Variants in EIF4G3 observed in about 807,000 individuals in gnomAD.
The protein encoded by EIF4G3 is eukaryotic translation initiation factor 4 gamma 3.
Under a neutral mutation model 186.4 loss-of-function variants are expected in EIF4G3, and 34 were observed. That is an observed-to-expected ratio of 0.18 (90% confidence interval 0.14 to 0.24). EIF4G3 has a LOEUF of 0.24. Ranked by LOEUF, EIF4G3 falls within the 10% of genes least tolerant of loss-of-function variation. EIF4G3 has a pLI of 1.00. For synonymous variants in EIF4G3, 673 were observed against 679.5 expected (o/e 0.99, Z 0.15); for missense variants, 1,536 against 1,948.5 (o/e 0.79, Z 3.99).
intron 2 of EIF4G3, among the ~76,000 whole-genome samples, chr1:21,109,951 AT>A (rs1401184407): frequency 6.6e-6 from 1 of 151,964 alleles, no homozygotes. Flanking sequence ...TACCCAGCTA[AT>A]TTTTGTATTT....
chr1:20,913,888 G>C (rs1558209742), intron 14 of EIF4G3, among the ~76,000 whole-genome samples: 1 of 142,336 alleles, frequency 7.0e-6, no homozygotes, highest in South Asian at 2.2e-4. Flanking sequence ...CTCACTGCAA[G>C]CTCCGCCTCC....
intron 13 of EIF4G3, among the ~76,000 whole-genome samples, chr1:20,946,714 G>A (rs755129298): frequency 7.2e-5 from 11 of 152,148 alleles, no homozygotes; most frequent in Non-Finnish European, 1.6e-4. Flanking sequence ...TGAGGAAACT[G>A]AGGGTTTTAG....
At chr1:21,029,633 T>TA (rs1174973723) in intron 4 of EIF4G3, among the ~76,000 whole-genome samples, 1 of 152,056 alleles carries the variant, frequency 6.6e-6, no homozygotes, top group Non-Finnish European at 1.5e-5. Context: ...TTGATTTTTT[T>TA]AAAACAAAGA....
intron 2 of EIF4G3, among the ~76,000 whole-genome samples, chr1:21,119,775 G>A (rs2096894844): frequency 6.6e-6 from 1 of 151,980 alleles, no homozygotes; most frequent in Non-Finnish European, 1.5e-5. Context: ...AGGATACAAG[G>A]ATGTAAGGTA....
intron 13 of EIF4G3, among the ~76,000 whole-genome samples, chr1:20,949,483 A>C (rs145492157): frequency 2.0e-5 from 3 of 152,350 alleles, no homozygotes; most frequent in Non-Finnish European, 4.4e-5. Context: ...TCAGTGAAGA[A>C]ACTGAGACAC....
chr1:21,086,199 C>CT (rs397979515), intron 3 of EIF4G3, among the ~76,000 whole-genome samples: 76,174 of 95,320 alleles, frequency 0.8, 31,527 homozygotes, highest in Non-Finnish European at 0.85. Flanking sequence ...ACATGATACT[C>CT]TTTTTTTTTT....
intron 20 of EIF4G3, among the ~76,000 whole-genome samples, chr1:20,876,222 CAAAAAAAAAA>C (rs34150070): frequency 0.037 from 521 of 13,980 alleles, 3 homozygotes; most frequent in African/African-American, 0.11. Context: ...GAGCCTGTCT[CAAAAAAAAAA>C]AAAAAAAAAA....
chr1:20,898,942 C>G (rs1046512465), intron 16 of EIF4G3, among the ~76,000 whole-genome samples: 5 of 152,138 alleles, frequency 3.3e-5, no homozygotes, highest in Non-Finnish European at 5.9e-5. Context: ...GTTGGTCAGG[C>G]TAGTCTCGAA....
At chr1:21,167,816 G>A (rs1052278073) in intron 2 of EIF4G3, 1 of 247,208 alleles carries the variant, frequency 4.0e-6, no homozygotes, top group East Asian at 1.5e-4. Flanking sequence ...TAGTATACTT[G>A]AACATATAAA....
intron 2 of EIF4G3, among the ~76,000 whole-genome samples, chr1:21,171,627 A>C (rs2097972191): frequency 6.6e-6 from 1 of 152,212 alleles, no homozygotes. Flanking sequence ...AGACAAAGAA[A>C]ACATTAACTG....
intron 7 of EIF4G3, among the ~76,000 whole-genome samples, chr1:20,987,755 G>A (rs544082037): frequency 6.6e-6 from 1 of 152,250 alleles, no homozygotes; most frequent in South Asian, 2.1e-4. Flanking sequence ...TAATATTGAA[G>A]TTAGGCCATT....
chr1:20,980,965 T>C, intron 9 of EIF4G3, 83 bp downstream of exon 9: 1 of 1,145,766 alleles, frequency 8.7e-7, no homozygotes, highest in South Asian at 2.7e-5. Flanking sequence ...ATACCACAAT[T>C]CATCCACCCA....
rs1003890007 is a variant in EIF4G3 at position 21,110,300 on chromosome 1, CT to C, written c.-271-21088del. On this transcript the variant is annotated intron_variant, in intron 2 of 36. Coordinates refer to ENST00000602326, the MANE Select transcript of EIF4G3 (RefSeq NM_001391906.1). ...CACAGGTTTCAGAGTAACGTTTTCT[CT>C]TTTTTTTTTTTTAAGACGGAGTCTC... Among the ~76,000 whole-genome samples the C allele has an allele frequency of 3.6e-3, 524 of 144,220 alleles. 2 individuals are homozygous for C. The highest frequency in any genetic ancestry group is 8.5e-3 in the African/African-American group (340 of 39,778). 94.6% of individuals were successfully genotyped at this position (144,220 alleles called of 152,430 possible).
chr1:21,175,933 G>T (rs1012887117), intron 2 of EIF4G3: 3 of 213,644 alleles, frequency 1.4e-5, no homozygotes, highest in Non-Finnish European at 2.7e-5. Context: ...AAAGGAAGGG[G>T]CTGCAGAAGC....
intron 2 of EIF4G3, among the ~76,000 whole-genome samples, chr1:21,135,157 A>G (rs1284680143): frequency 6.6e-6 from 1 of 152,230 alleles, no homozygotes; most frequent in Non-Finnish European, 1.5e-5. Flanking sequence ...TTCATTATCT[A>G]TACAATGAGG....
intron 2 of EIF4G3, among the ~76,000 whole-genome samples, chr1:21,091,308 C>T (rs967526910): frequency 2.6e-5 from 4 of 151,964 alleles, no homozygotes; most frequent in Non-Finnish European, 4.4e-5. Flanking sequence ...TATAGACATG[C>T]GCTACCACAG....
intron 11 of EIF4G3, among the ~76,000 whole-genome samples, chr1:20,971,054 G>A (rs1390697151): frequency 1.3e-5 from 2 of 152,194 alleles, no homozygotes; most frequent in Admixed American, 1.3e-4. Flanking sequence ...TAAGCACAAA[G>A]TGTGTATGGT....
At chr1:20,819,533 C>T (rs1315860995) in intron 33 of EIF4G3, among the ~76,000 whole-genome samples, 1 of 152,074 alleles carries the variant, frequency 6.6e-6, no homozygotes, top group African/African-American at 2.4e-5. Flanking sequence ...TCATGGCTCA[C>T]TGCAGCCTTG....
At position 20,806,613 on chromosome 1, in the gene EIF4G3, G is replaced by C. The variant is rs2058155800; in HGVS notation, c.*706C>G. 1.3e-5 allele frequency: 2 copies of C among 150,326 alleles called. No individual in the cohort carries two copies. Among genetic ancestry groups the C allele is most frequent in the Non-Finnish European group, 1.5e-5 (1 of 67,738 alleles). The allele number at this position is 150,326 out of a possible 1,614,324, so 9.3% of individuals were successfully genotyped here. A position where few individuals can be genotyped will look rare whatever the true frequency, so the allele number is the denominator to read the frequency against. ...TTACAAGCCTTAAAGTTGCTCTAAA[G>C]ATTTCAAGAGTATTAAGAGTACTTT... On this transcript the variant is annotated 3_prime_UTR_variant, in exon 37 of 37. Transcript: ENST00000602326.
Sources: allele counts gnomAD v4.1 joint callset (sites outside exome capture counted in the v4.1 genomes callset), GRCh38; gene constraint gnomAD v4.1.1; transcripts MANE v1.5; gene names NCBI Gene and HGNC (gene_info 2026-07-23, HGNC 2026-07-21).